Variants in ARHGAP23 observed in about 807,000 individuals in gnomAD.
ARHGAP23 encodes Rho GTPase activating protein 23, also known as rho GTPase-activating protein 23.
A neutral mutation model predicts 136.3 loss-of-function variants in ARHGAP23; 34 were observed. The observed-to-expected ratio is 0.25, with a 90% CI of 0.19 to 0.33. The LOEUF (loss-of-function observed/expected upper bound fraction) is 0.33. Ranked by LOEUF, ARHGAP23 falls within the 10% of genes least tolerant of loss-of-function variation. The pLI, the probability that ARHGAP23 is intolerant of heterozygous loss-of-function variation, is 1.00. For missense variants in ARHGAP23, 1,808 were observed against 2,139.0 expected (o/e 0.85, Z 3.05); for synonymous variants, 832 against 920.5 (o/e 0.90, Z 1.74).
chr17:38,459,889 C>T (rs988751418), intron 2 of ARHGAP23, among the ~76,000 whole-genome samples: 30 of 152,302 alleles, frequency 2.0e-4, no homozygotes, highest in African/African-American at 6.5e-4. Context: ...GTGCTTGCTC[C>T]CCAGAAGGGC....
At position 38,467,275 on chromosome 17, in the gene ARHGAP23, G is replaced by A; in HGVS notation, c.1592G>A (p.Arg531Lys). 1 of 1,540,450 alleles carries A rather than the reference G, an allele frequency of 6.5e-7. No homozygotes were observed. Among genetic ancestry groups the A allele is most frequent in the Non-Finnish European group, 8.8e-7 (1 of 1,142,124 alleles). The change falls in exon 7 of 24, where the codon AGG becomes AAG. Residue 531 changes from arginine to lysine, a missense_variant. Transcript: ENST00000622683. ...AGTGGGCGAGGGGAACGCCTGGGCA[G>A]GAAGGTGGCCCCTTTGGCCACCACC... ...EASGRGERLG[R>K]KVAPLATTED...
chr17:38,469,555 C>T lies in ARHGAP23; in HGVS notation c.1836C>T (p.Tyr612=), dbSNP rs2039694695. Residue 612 remains tyrosine, a synonymous_variant, in exon 9 of 24, where the codon TAC becomes TAT. Coordinates refer to ENST00000622683, the MANE Select transcript of ARHGAP23 (RefSeq NM_001199417.2). The stretch of plus-strand genomic sequence containing the variant: ...TCAAGGCTGGCCGCCGCTCCTCCTA[C>T]CTGCTGGCCATCACCACGGAGCGCT... ...SSIKAGRRSS[Y]LLAITTERSK... 6.5e-7 allele frequency: 1 copy of T among 1,548,546 alleles called. No homozygotes were observed. Among genetic ancestry groups the T allele is most frequent in the Non-Finnish European group, 8.7e-7 (1 of 1,146,722 alleles).
chr17:38,493,788 C>T (rs981069883), intron 20 of ARHGAP23, among the ~76,000 whole-genome samples: 1 of 152,166 alleles, frequency 6.6e-6, no homozygotes, highest in African/African-American at 2.4e-5. Flanking sequence ...CCCAGGGCCA[C>T]GCAGCAAGAT....
chr17:38,423,142 G>A (rs1013519297), intron 1 of ARHGAP23, among the ~76,000 whole-genome samples: 1 of 152,036 alleles, frequency 6.6e-6, no homozygotes, highest in African/African-American at 2.4e-5. Flanking sequence ...ATATGGGGAC[G>A]GTTCCCTCCC....
chr17:38,511,006 T>C lies in ARHGAP23; in HGVS notation c.*34T>C, dbSNP rs1407181367. 2 of 1,396,708 alleles carry C rather than the reference T, an allele frequency of 1.4e-6. No individual in the cohort carries two copies. Among genetic ancestry groups the C allele is most frequent in the Non-Finnish European group, 1.8e-6 (2 of 1,088,806 alleles). 86.5% of individuals were successfully genotyped at this position (1,396,708 alleles called of 1,614,324 possible). A position where few individuals can be genotyped will look rare whatever the true frequency, so the allele number is the denominator to read the frequency against. On this transcript the variant is annotated 3_prime_UTR_variant, in exon 24 of 24. Transcript: ENST00000622683. ...TCCCGCGCCGCTCGGGCGCCACCCC[T>C]CCCTAGAGCCCCTTTGGAACCAGGA...
rs2144835786 is a variant in ARHGAP23, at chr17:38,510,876, C to T, written c.4380C>T (p.Ser1460=). The change falls in exon 24 of 24, where the codon TCC becomes TCT. Residue 1460 remains serine (S), a synonymous_variant. Transcript: ENST00000622683. The surrounding 1 kb of genome is among the most constrained non-coding windows in gnomAD (Gnocchi z 4.6). ...CCACCAAGGCGCGGGCCCCGTCGTC[C>T]GCTGCCTCGCAGCCGCCCGCGCCCG... ...LESTKARAPS[S]AASQPPAPGD... is the part of the protein sequence containing the mutation. 2 of 1,496,528 alleles carry T rather than the reference C, an allele frequency of 1.3e-6. No individual in the cohort carries two copies. Among genetic ancestry groups the T allele is most frequent in the East Asian group, 2.8e-5 (1 of 35,990 alleles). The allele number at this position is 1,496,528 out of a possible 1,614,324, so 92.7% of individuals were successfully genotyped here.
chr17:38,445,434 G>T (rs1005774327), intron 1 of ARHGAP23, among the ~76,000 whole-genome samples: 1 of 151,506 alleles, frequency 6.6e-6, no homozygotes, highest in Admixed American at 6.6e-5. Flanking sequence ...CTGAGAGCAC[G>T]CCATTGCACT....
intron 14 of ARHGAP23, among the ~76,000 whole-genome samples, chr17:38,480,661 G>C (rs1275286289): frequency 6.6e-6 from 1 of 150,978 alleles, no homozygotes; most frequent in Admixed American, 6.6e-5. Context: ...AAAAGTACCC[G>C]GGCGTGGTGG....
intron 6 of ARHGAP23, 28 bp downstream of exon 6, chr17:38,463,410 G>A (rs1186602489): frequency 3.9e-6 from 6 of 1,551,354 alleles, no homozygotes; most frequent in African/African-American, 2.7e-5. Context: ...GGCCTGAGAG[G>A]AGACCCCTGA....
At chr17:38,457,966 G>C in intron 1 of ARHGAP23, 136 bp from the exon 2 acceptor site, 2 of 1,030,104 alleles carry the variant, frequency 1.9e-6, no homozygotes, top group Non-Finnish European at 2.8e-6. Flanking sequence ...GTCATGGGCA[G>C]GGAGGATGCC....
At chr17:38,447,694 T>G (rs1294133180) in intron 1 of ARHGAP23, among the ~76,000 whole-genome samples, 1 of 152,176 alleles carries the variant, frequency 6.6e-6, no homozygotes, top group African/African-American at 2.4e-5. Flanking sequence ...CACAGTCTGA[T>G]GGAGGAGGCA....
intron 1 of ARHGAP23, among the ~76,000 whole-genome samples, chr17:38,422,702 C>T (rs2144457949): frequency 6.6e-6 from 1 of 152,306 alleles, no homozygotes; most frequent in South Asian, 2.1e-4. Context: ...GCCCCAGCTG[C>T]TTGGCAGATT....
At chr17:38,421,899 T>C (rs2038524003) in intron 1 of ARHGAP23, among the ~76,000 whole-genome samples, 1 of 152,204 alleles carries the variant, frequency 6.6e-6, no homozygotes, top group Non-Finnish European at 1.5e-5. Flanking sequence ...ATGTTCCCCT[T>C]CTTTCCTCTT....
intron 1 of ARHGAP23, among the ~76,000 whole-genome samples, chr17:38,455,261 T>G (rs2039295999): frequency 6.6e-6 from 1 of 152,140 alleles, no homozygotes; most frequent in African/African-American, 2.4e-5. Flanking sequence ...AGCTCTGGCT[T>G]TTGATGGGTG....
At chr17:38,469,430 G>C (rs1329615210) in intron 8 of ARHGAP23, 94 bp from the exon 9 acceptor site, 24 of 1,463,268 alleles carry the variant, frequency 1.6e-5, no homozygotes, top group Non-Finnish European at 2.1e-5. Context: ...CCTTGGGAGA[G>C]TCACCTCCTG....
At chr17:38,425,491 C>T (rs1403054360), upstream of ARHGAP23, among the ~76,000 whole-genome samples, 1 of 152,200 alleles carries the variant, frequency 6.6e-6, no homozygotes, top group Non-Finnish European at 1.5e-5. Flanking sequence ...GGATCTAGGC[C>T]TCACCTCTGT....
chr17:38,456,831 G>T (rs1224334125), intron 1 of ARHGAP23, among the ~76,000 whole-genome samples: 1 of 152,098 alleles, frequency 6.6e-6, no homozygotes, highest in African/African-American at 2.4e-5. Context: ...CTTGTCTTCA[G>T]ATACCCTCTG....
In ARHGAP23 at chr17:38,490,092, T is replaced by C. The variant is rs2040240318; in HGVS notation, c.2987-10T>C. 6.4e-7 allele frequency: 1 copy of C among 1,551,548 alleles called. No homozygotes were observed. The highest frequency in any genetic ancestry group is 1.4e-5 in the African/African-American group (1 of 73,180). ...CCCCACCTCTCTAAAGAGTCTCCGCTGTGTTCTAGACAAATACAACGACTT... is the reference window on the plus strand; with the variant it reads ...CCCCACCTCTCTAAAGAGTCTCCGCCGTGTTCTAGACAAATACAACGACTT... On this transcript the variant is annotated splice_polypyrimidine_tract_variant and intron_variant, in intron 17 of 23. Coordinates refer to ENST00000622683, the MANE Select transcript of ARHGAP23 (RefSeq NM_001199417.2).
At chr17:38,449,816 A>C (rs941678255) in intron 1 of ARHGAP23, among the ~76,000 whole-genome samples, 1 of 152,190 alleles carries the variant, frequency 6.6e-6, no homozygotes, top group African/African-American at 2.4e-5. Context: ...TTTGGGGCCC[A>C]CATTCTGGGA....
Sources: gnomAD v4.1 joint callset for allele counts (sites outside exome capture counted in the v4.1 genomes callset) on GRCh38, gnomAD v4.1.1 for gene constraint, Gnocchi (gnomAD v3.1) non-coding constraint, MANE v1.5 for transcripts, NCBI Gene and HGNC (gene_info 2026-07-23, HGNC 2026-07-21) for gene names.